Variants in TENM3 observed in about 807,000 individuals in gnomAD.
The protein encoded by TENM3 is teneurin transmembrane protein 3.
A neutral mutation model predicts 255.1 loss-of-function variants in TENM3; 63 were observed. The ratio of observed to expected loss-of-function variants is 0.25; its 90% CI spans 0.20 to 0.30. TENM3 has a LOEUF of 0.30. Among genes scored for constraint, TENM3 ranks in the 10% least tolerant of loss-of-function variants. TENM3 has a pLI of 1.00. For synonymous variants in TENM3, 1,306 were observed against 1,322.3 expected (o/e 0.99, Z 0.27); for missense variants, 2,929 against 3,461.1 (o/e 0.85, Z 3.86).
At chr4:182,654,473 G>A (rs1010414186) in intron 6 of TENM3, among the ~76,000 whole-genome samples, 11 of 151,996 alleles carry the variant, frequency 7.2e-5, no homozygotes, top group African/African-American at 2.2e-4. Context: ...TTAGAAAAGC[G>A]TATACATACA....
At chr4:182,244,904 A>C (rs2150085491) in intron 1 of TENM3, among the ~76,000 whole-genome samples, 1 of 152,318 alleles carries the variant, frequency 6.6e-6, no homozygotes, top group African/African-American at 2.4e-5. Flanking sequence ...GTTCTAATTA[A>C]ATTAATGAGA....
At chr4:182,434,370 A>C (rs1771889818) in intron 3 of TENM3, among the ~76,000 whole-genome samples, 1 of 152,112 alleles carries the variant, frequency 6.6e-6, no homozygotes. Context: ...AAATTAAATA[A>C]TAGTATAGCT....
chr4:182,270,122 G>C (rs934736178), intron 1 of TENM3, among the ~76,000 whole-genome samples: 2 of 152,162 alleles, frequency 1.3e-5, no homozygotes, highest in African/African-American at 4.8e-5. Flanking sequence ...TGGAAGCCTA[G>C]GTTCTTGTTA....
At position 182,161,756 on chromosome 4, in the gene TENM3, T is replaced by C. The variant is rs868601355; in HGVS notation, c.-76+17002T>C. ...ATACACAAATATATGTGTATATATA[T>C]ACATATATATGTGTATATATATATA... On this transcript the variant is annotated intron_variant, in intron 1 of 2. Coordinates refer to the TENM3 transcript ENST00000512480. Among the ~76,000 whole-genome samples the C allele has an allele frequency of 2.1e-4, 13 of 61,642 alleles. 3 individuals are homozygous for C. The highest frequency in any genetic ancestry group is 9.5e-4 in the South Asian group (2 of 2,102). 40.4% of individuals were successfully genotyped at this position (61,642 alleles called of 152,430 possible).
the TENM3 span, among the ~76,000 whole-genome samples, chr4:181,552,004 T>C: frequency 6.6e-6 from 1 of 151,776 alleles, no homozygotes; most frequent in Non-Finnish European, 1.5e-5. Context: ...CCGTAAGTTA[T>C]TTGCAGATGT....
chr4:182,578,032 A>G (rs987579509), intron 3 of TENM3, among the ~76,000 whole-genome samples: 1 of 151,058 alleles, frequency 6.6e-6, no homozygotes, highest in Non-Finnish European at 1.5e-5. Flanking sequence ...GCTGGAGTGC[A>G]ATGGCGCAAT....
rs115475488 is a variant in TENM3 at position 182,230,393 on chromosome 4, G to A, written c.-76+85639G>A. 8.0e-3 allele frequency among the ~76,000 whole-genome samples: 1,217 copies of A among 152,202 alleles called. 24 individuals carry two copies. Among genetic ancestry groups the A allele is most frequent in the African/African-American group, 0.028 (1,179 of 41,526 alleles). ...CTCTAGCTACTCAGCACGTGCACTAGGATGGGGACGTGACGTTTCCTCCAT... is the reference window on the plus strand; with the variant it reads ...CTCTAGCTACTCAGCACGTGCACTAAGATGGGGACGTGACGTTTCCTCCAT... On this transcript the variant is annotated intron_variant, in intron 1 of 2. Coordinates refer to the TENM3 transcript ENST00000512480.
the TENM3 span, among the ~76,000 whole-genome samples, chr4:181,701,917 G>A: frequency 3.4e-3 from 520 of 152,270 alleles, 4 homozygotes; most frequent in Middle Eastern, 0.014. Context: ...GGCTTTTGGC[G>A]TATGATGGCT....
chr4:182,759,102 A>G (rs868845204), intron 22 of TENM3, among the ~76,000 whole-genome samples: 1 of 152,240 alleles, frequency 6.6e-6, no homozygotes, highest in Non-Finnish European at 1.5e-5. Context: ...ATTAGTTGCA[A>G]TTACTTACCT....
intron 3 of TENM3, among the ~76,000 whole-genome samples, chr4:182,356,946 C>A (rs1765591448): frequency 1.4e-5 from 2 of 147,780 alleles, no homozygotes; most frequent in Non-Finnish European, 3.0e-5. Flanking sequence ...CAATTCTCAC[C>A]TATGAGTGAG....
the TENM3 span, among the ~76,000 whole-genome samples, chr4:181,607,289 T>C: frequency 6.6e-6 from 1 of 152,238 alleles, no homozygotes; most frequent in Non-Finnish European, 1.5e-5. Flanking sequence ...GGTGATAGTC[T>C]ATGTCAGTGC....
intron 3 of TENM3, among the ~76,000 whole-genome samples, chr4:182,370,006 C>A (rs1766696437): frequency 6.6e-6 from 1 of 152,202 alleles, no homozygotes; most frequent in Non-Finnish European, 1.5e-5. Flanking sequence ...TTAGGCAGTT[C>A]ACCTGGTGTC....
intron 3 of TENM3, among the ~76,000 whole-genome samples, chr4:182,562,391 A>G (rs1358304957): frequency 2.0e-5 from 3 of 152,122 alleles, no homozygotes; most frequent in Admixed American, 6.6e-5. Context: ...CCTACCCACA[A>G]TTATTTTTTA....
intron 3 of TENM3, among the ~76,000 whole-genome samples, chr4:182,485,907 AG>A (rs1293245005): frequency 6.6e-6 from 1 of 152,174 alleles, no homozygotes; most frequent in African/African-American, 2.4e-5. Flanking sequence ...ATGGTAGCAC[AG>A]AAGATGGGCA....
chr4:182,081,209 T>C, the TENM3 span, among the ~76,000 whole-genome samples: 1 of 152,136 alleles, frequency 6.6e-6, no homozygotes, highest in African/African-American at 2.4e-5. Context: ...ACTTAGGTAA[T>C]ACTCTTCTTG....
the TENM3 span, among the ~76,000 whole-genome samples, chr4:181,837,318 A>G: frequency 6.6e-6 from 1 of 152,156 alleles, no homozygotes; most frequent in East Asian, 1.9e-4. Context: ...TAAATGTTTT[A>G]CTGTTTTGCA....
chr4:181,628,953 C>T, the TENM3 span, among the ~76,000 whole-genome samples: 1 of 152,128 alleles, frequency 6.6e-6, no homozygotes, highest in Non-Finnish European at 1.5e-5. Flanking sequence ...GATATTGATT[C>T]TTCCTACCCA....
At chr4:181,902,848 AG>A in the TENM3 span, among the ~76,000 whole-genome samples, 2 of 152,176 alleles carry the variant, frequency 1.3e-5, no homozygotes, top group African/African-American at 2.4e-5. Flanking sequence ...AGATATTCAA[AG>A]CATGTGCTCT....
chr4:181,654,675 AC>A, the TENM3 span, among the ~76,000 whole-genome samples: 1 of 147,414 alleles, frequency 6.8e-6, no homozygotes, highest in Non-Finnish European at 1.5e-5. Context: ...AACCACTTGA[AC>A]CCAGGAGGCA....
Sources: allele counts gnomAD v4.1 joint callset (sites outside exome capture counted in the v4.1 genomes callset), GRCh38; gene constraint gnomAD v4.1.1; transcripts MANE v1.5; gene names NCBI Gene and HGNC (gene_info 2026-07-23, HGNC 2026-07-21).